Variants in RTKN2 observed in about 807,000 individuals in gnomAD.
The protein encoded by RTKN2 is rhotekin-2.
RTKN2 carries 69 observed loss-of-function variants against 71.5 expected under a neutral mutation model. That is an observed-to-expected ratio of 0.96 (90% confidence interval 0.79 to 1.18). The LOEUF is 1.18. Among genes scored for constraint, RTKN2 ranks in the 50% most tolerant of loss-of-function variants. The probability of loss-of-function intolerance (pLI) is 0.00; values close to 1 mark genes in which losing one functional copy is unlikely to be tolerated. For missense variants in RTKN2, 724 were observed against 719.7 expected, an observed-to-expected ratio of 1.01 and a Z score of -0.07; for synonymous variants, 236 against 236.5, an observed-to-expected ratio of 1.00 and a Z score of 0.02.
In RTKN2 at chr10:62,197,322, T is replaced by A. The variant is rs1214538258; in HGVS notation, c.*586A>T. On this transcript the variant is annotated 3_prime_UTR_variant, in exon 12 of 12. Transcript: ENST00000373789. ...TTGAATAGCACATTACAAATTCCCT[T>A]TAAAGATGAAGAATTTAATATTCTA... 1 of 984,988 alleles carries A rather than the reference T, an allele frequency of 1.0e-6. No individual in the cohort carries two copies. The highest frequency in any genetic ancestry group is 1.2e-6 in the Non-Finnish European group (1 of 829,306). The allele number at this position is 984,988 out of a possible 1,614,324, so 61.0% of individuals were successfully genotyped here.
chr10:62,266,811 G>A (rs1267843160), intron 1 of RTKN2, among the ~76,000 whole-genome samples: 1 of 152,162 alleles, frequency 6.6e-6, no homozygotes, highest in East Asian at 1.9e-4. Context: ...TGGGATAGGC[G>A]GAATACCCAA....
At chr10:62,226,357 T>C (rs2132935342) in intron 6 of RTKN2, among the ~76,000 whole-genome samples, 1 of 152,322 alleles carries the variant, frequency 6.6e-6, no homozygotes, top group South Asian at 2.1e-4. Flanking sequence ...AATGTATGCA[T>C]GCACTTCAAT....
chr10:62,250,803 T>C (rs1290146468), intron 2 of RTKN2, among the ~76,000 whole-genome samples: 4 of 152,088 alleles, frequency 2.6e-5, no homozygotes, highest in Admixed American at 6.6e-5. Flanking sequence ...CTAATGTTTA[T>C]GTTATTTGGT....
Position 62,193,269 on chromosome 10 carries a change from A to G in RTKN2, c.*4639T>C. ...ATTATGTATATACAAGATCTTTTCA[A>G]TCTACCTCTCCTTTAGTAGTTACAT... On this transcript the variant is annotated 3_prime_UTR_variant, in exon 12 of 12. Transcript: ENST00000373789. 1 of 969,852 alleles carries G rather than the reference A, an allele frequency of 1.0e-6. No homozygotes were observed. Among genetic ancestry groups the G allele is most frequent in the Non-Finnish European group, 1.2e-6 (1 of 815,764 alleles). The allele number at this position is 969,852 out of a possible 1,614,324, so 60.1% of individuals were successfully genotyped here.
chr10:62,260,672 G>A (rs1042359391), intron 2 of RTKN2, among the ~76,000 whole-genome samples: 2 of 152,050 alleles, frequency 1.3e-5, no homozygotes, highest in African/African-American at 4.8e-5. Context: ...AATTGAACAG[G>A]CATTAGGCTT....
intron 10 of RTKN2, among the ~76,000 whole-genome samples, chr10:62,200,178 C>T (rs574458412): frequency 6.6e-6 from 1 of 151,966 alleles, no homozygotes; most frequent in East Asian, 1.9e-4. Flanking sequence ...GCCTGGCCAA[C>T]ATGGGGAAAC....
intron 2 of RTKN2, chr10:62,259,163 G>T (rs1051037249): frequency 2.2e-6 from 1 of 451,978 alleles, no homozygotes; most frequent in African/African-American, 2.0e-5. Context: ...CCCTGCACAT[G>T]ATCTCTTGCC....
In RTKN2 at chr10:62,196,202, T is replaced by C. The variant is rs1218960032; in HGVS notation, c.*1706A>G. On this transcript the variant is annotated 3_prime_UTR_variant, in exon 12 of 12. Coordinates refer to ENST00000373789, the MANE Select transcript of RTKN2 (RefSeq NM_145307.4). ...CAAAAATTCAAACAATAATATCCTT[T>C]AGATTTTTAATGTCATTTATTGAAA... 3.1e-6 allele frequency: 3 copies of C among 975,158 alleles called. No individual in the cohort carries two copies. The highest frequency in any genetic ancestry group is 1.8e-5 in the African/African-American group (1 of 57,004). The allele number at this position is 975,158 out of a possible 1,614,324, so 60.4% of individuals were successfully genotyped here.
At chr10:62,236,286 T>C (rs1489683713) in intron 5 of RTKN2, 23 bp from the exon 6 acceptor site, 1 of 1,496,304 alleles carries the variant, frequency 6.7e-7, no homozygotes, top group Admixed American at 1.9e-5. Context: ...GCATTCATAA[T>C]GTTGGAAATT....
chr10:62,241,208 G>A lies in RTKN2; in HGVS notation c.317-13C>T. On this transcript the variant is annotated splice_polypyrimidine_tract_variant and intron_variant, in intron 3 of 11. Coordinates refer to ENST00000373789, the MANE Select transcript of RTKN2 (RefSeq NM_145307.4). ...GGTATTCGAATATCTATAAAGAAGG[G>A]AAAAAGAAATGACAAGTAATAATTT... is the stretch of plus-strand genomic sequence containing the variant. 3.3e-6 allele frequency: 5 copies of A among 1,527,930 alleles called. No individual in the cohort carries two copies. The highest frequency in any genetic ancestry group is 4.5e-6 in the Non-Finnish European group (5 of 1,111,690). 94.6% of individuals were successfully genotyped at this position (1,527,930 alleles called of 1,614,324 possible).
chr10:62,229,105 G>A (rs992105046), intron 6 of RTKN2, among the ~76,000 whole-genome samples: 3 of 152,200 alleles, frequency 2.0e-5, no homozygotes, highest in Non-Finnish European at 2.9e-5. Flanking sequence ...ATGAGTACGA[G>A]TGCAAAGGAA....
intron 7 of RTKN2, among the ~76,000 whole-genome samples, chr10:62,220,496 T>G (rs1418142016): frequency 6.6e-6 from 1 of 152,212 alleles, no homozygotes; most frequent in African/African-American, 2.4e-5. Flanking sequence ...ATAGGCAATC[T>G]CAGATTTATG....
At chr10:62,247,708 G>C (rs1842505097) in intron 2 of RTKN2, among the ~76,000 whole-genome samples, 1 of 151,802 alleles carries the variant, frequency 6.6e-6, no homozygotes, top group Admixed American at 6.6e-5. Context: ...ATCTATTTTG[G>C]TGAAATAATA....
chr10:62,246,191 C>G, intron 2 of RTKN2, 134 bp from the exon 3 acceptor site: 2 of 589,146 alleles, frequency 3.4e-6, no homozygotes, highest in South Asian at 4.6e-5. Flanking sequence ...TTAATGTAAA[C>G]TATTTGACTC....
intron 10 of RTKN2, among the ~76,000 whole-genome samples, chr10:62,201,646 A>C (rs762722787): frequency 5.3e-5 from 8 of 152,214 alleles, no homozygotes; most frequent in Admixed American, 2.6e-4. Context: ...ACATTCTTAG[A>C]AAAACTATTA....
chr10:62,251,252 T>G (rs1350291901), intron 2 of RTKN2, among the ~76,000 whole-genome samples: 1 of 152,228 alleles, frequency 6.6e-6, no homozygotes, highest in African/African-American at 2.4e-5. Flanking sequence ...CACATTTGCA[T>G]AGCTTTTATT....
chr10:62,246,466 T>A (rs1254023401), intron 2 of RTKN2, among the ~76,000 whole-genome samples: 1 of 152,012 alleles, frequency 6.6e-6, no homozygotes, highest in East Asian at 1.9e-4. Flanking sequence ...AACTTCCCAA[T>A]CATGCAATTT....
chr10:62,237,213 G>A (rs183252029), intron 5 of RTKN2, among the ~76,000 whole-genome samples: 23 of 151,866 alleles, frequency 1.5e-4, no homozygotes, highest in African/African-American at 4.6e-4. Flanking sequence ...CTGTAACATC[G>A]TGTTATAAAC....
chr10:62,189,530 T>G (rs545517963), downstream of RTKN2, among the ~76,000 whole-genome samples: 1 of 152,180 alleles, frequency 6.6e-6, no homozygotes, highest in South Asian at 2.1e-4. Context: ...CAATAGCCTA[T>G]CAATAAATTC....
Sources: allele counts gnomAD v4.1 joint callset (sites outside exome capture counted in the v4.1 genomes callset), GRCh38; gene constraint gnomAD v4.1.1; transcripts MANE v1.5; gene names NCBI Gene and HGNC (gene_info 2026-07-23, HGNC 2026-07-21).